The following LRP1B variants were observed in gnomAD, a reference collection of about 807,000 sequenced individuals.
LRP1B encodes low-density lipoprotein receptor-related protein 1B.
LRP1B carries 217 observed loss-of-function variants against 556.6 expected under a neutral mutation model. The ratio of observed to expected loss-of-function variants is 0.39; its 90% CI spans 0.35 to 0.44. The LOEUF is 0.44. LRP1B is among the 20% of genes least tolerant of loss of function. The probability of loss-of-function intolerance (pLI) is 1.00; values close to 1 mark genes in which losing one functional copy is unlikely to be tolerated. For synonymous variants in LRP1B, 2,047 were observed against 1,865.8 expected, an observed-to-expected ratio of 1.10 and a Z score of -2.50; for missense variants, 5,053 against 5,620.8, an observed-to-expected ratio of 0.90 and a Z score of 3.23.
At chr2:141,364,876 A>G (rs915123758) in intron 3 of LRP1B, among the ~76,000 whole-genome samples, 1 of 152,192 alleles carries the variant, frequency 6.6e-6, no homozygotes, top group Non-Finnish European at 1.5e-5. Context: ...CGAGTATAAA[A>G]ATAAAAATGA....
At chr2:142,041,807 G>T (rs545225331) in intron 1 of LRP1B, among the ~76,000 whole-genome samples, 1 of 151,562 alleles carries the variant, frequency 6.6e-6, no homozygotes, top group South Asian at 2.1e-4. Context: ...GGTTACTTTT[G>T]CAAAGGTATT....
At chr2:140,942,395 A>G (rs912171517) in intron 20 of LRP1B, among the ~76,000 whole-genome samples, 4 of 152,128 alleles carry the variant, frequency 2.6e-5, no homozygotes, top group Non-Finnish European at 5.9e-5. Context: ...AAATTTCCCC[A>G]ATCTTACAAG....
intron 35 of LRP1B, among the ~76,000 whole-genome samples, chr2:140,741,170 T>C (rs930733244): frequency 3.9e-5 from 6 of 152,156 alleles, no homozygotes; most frequent in African/African-American, 7.2e-5. Context: ...CTAGCACATA[T>C]GCAAGTCTAC....
At chr2:141,281,854 C>T (rs969736946) in intron 3 of LRP1B, among the ~76,000 whole-genome samples, 2 of 151,994 alleles carry the variant, frequency 1.3e-5, no homozygotes, top group African/African-American at 2.4e-5. Context: ...ATGTGAGCTA[C>T]CCTGAAGAGA....
At chr2:140,675,083 C>A (rs1685624933) in intron 41 of LRP1B, among the ~76,000 whole-genome samples, 1 of 152,166 alleles carries the variant, frequency 6.6e-6, no homozygotes, top group Admixed American at 6.6e-5. Flanking sequence ...CATCATATCA[C>A]CTTTTCTCAC....
chr2:141,798,720 A>AAG lies in LRP1B; in HGVS notation c.205+11558_205+11559insCT, dbSNP rs1455121951. ...GACTCTGTCTCAAAAAAAAAAAAAAAAAAAAAAAAGAATATATTTTAAAAA... is the reference window on the plus strand; with the variant it reads ...GACTCTGTCTCAAAAAAAAAAAAAAAAGAAAAAAAAAGAATATATTTTAAAAA... On this transcript the variant is annotated intron_variant, in intron 2 of 90. Transcript: ENST00000389484. 1.6e-3 allele frequency among the ~76,000 whole-genome samples: 247 copies of AAG among 151,422 alleles called. 3 individuals are homozygous for AAG. Among genetic ancestry groups the AAG allele is most frequent in the African/African-American group, 5.7e-3 (235 of 41,268 alleles).
At chr2:141,902,417 A>G (rs1699646002) in intron 1 of LRP1B, among the ~76,000 whole-genome samples, 1 of 152,028 alleles carries the variant, frequency 6.6e-6, no homozygotes, top group South Asian at 2.1e-4. Context: ...ATTAGTTAAA[A>G]TCCATTTGAC....
At chr2:141,268,924 G>A (rs946899700) in intron 3 of LRP1B, among the ~76,000 whole-genome samples, 9 of 152,124 alleles carry the variant, frequency 5.9e-5, no homozygotes, top group Admixed American at 2.6e-4. Flanking sequence ...CCTTCATAGG[G>A]CAGTGATTCC....
chr2:140,791,697 G>A (rs1690126491), intron 32 of LRP1B, among the ~76,000 whole-genome samples: 1 of 152,158 alleles, frequency 6.6e-6, no homozygotes, highest in South Asian at 2.1e-4. Flanking sequence ...CAATGAGTCA[G>A]TCAGAACCAA....
At chr2:141,885,015 C>T (rs1699065755) in intron 1 of LRP1B, among the ~76,000 whole-genome samples, 1 of 152,066 alleles carries the variant, frequency 6.6e-6, no homozygotes, top group Admixed American at 6.6e-5. Flanking sequence ...ATTATCAATT[C>T]AGGTTGATGT....
intron 17 of LRP1B, among the ~76,000 whole-genome samples, chr2:140,985,547 C>T (rs764948974): frequency 6.6e-6 from 1 of 151,816 alleles, no homozygotes; most frequent in Non-Finnish European, 1.5e-5. Flanking sequence ...TTTTCATCTT[C>T]AGTCTCTGGG....
intron 83 of LRP1B, among the ~76,000 whole-genome samples, chr2:140,303,341 G>A (rs959483350): frequency 2.6e-5 from 4 of 151,794 alleles, no homozygotes; most frequent in Admixed American, 1.3e-4. Flanking sequence ...TCCGCCTCCC[G>A]GGTTCACGCA....
At chr2:141,139,192 C>T (rs1701569074) in intron 7 of LRP1B, among the ~76,000 whole-genome samples, 1 of 151,684 alleles carries the variant, frequency 6.6e-6, no homozygotes, top group Non-Finnish European at 1.5e-5. Context: ...CAACAATTAA[C>T]TCGATATGAA....
At chr2:141,350,670 G>A (rs1444232124) in intron 3 of LRP1B, among the ~76,000 whole-genome samples, 2 of 151,992 alleles carry the variant, frequency 1.3e-5, no homozygotes, top group Non-Finnish European at 2.9e-5. Context: ...GAAGTAAATT[G>A]AGGCTTTCAT....
chr2:142,068,640 C>A lies in LRP1B; in HGVS notation c.82+62008G>T, dbSNP rs185030095. Among the ~76,000 whole-genome samples the A allele has an allele frequency of 2.0e-5, 3 of 151,380 alleles. No individual in the cohort carries two copies. The East Asian group carries it at 5.8e-4, about 30-fold the overall frequency. ...TTCTTTGCCATCAGTGAACAGGTTT[C>A]TCAATATGTTTTATTTGCAATATCC... On this transcript the variant is annotated intron_variant, in intron 1 of 90. Coordinates refer to ENST00000389484, the MANE Select transcript of LRP1B (RefSeq NM_018557.3).
intron 32 of LRP1B, among the ~76,000 whole-genome samples, chr2:140,804,649 A>ATTTTTTTTTTTT (rs869167644): frequency 1.7e-5 from 1 of 57,936 alleles, no homozygotes; most frequent in Non-Finnish European, 3.5e-5. Flanking sequence ...GTAAAAACTA[A>ATTTTTTTTTTTT]TTTTTTTTTT....
At chr2:141,204,740 C>T (rs1256569770) in intron 6 of LRP1B, among the ~76,000 whole-genome samples, 1 of 151,994 alleles carries the variant, frequency 6.6e-6, no homozygotes, top group Non-Finnish European at 1.5e-5. Flanking sequence ...GAGTTCGAGA[C>T]CAGCTGGCCA....
intron 19 of LRP1B, 142 bp downstream of exon 19, chr2:140,951,718 G>A: frequency 1.6e-6 from 1 of 620,466 alleles, no homozygotes; most frequent in Non-Finnish European, 2.9e-6. Flanking sequence ...TGTGCTGCTA[G>A]CTGCCCGCTC....
intron 3 of LRP1B, among the ~76,000 whole-genome samples, chr2:141,286,336 T>G (rs554742587): frequency 1.5e-4 from 23 of 152,164 alleles, no homozygotes; most frequent in Admixed American, 2.6e-4. Flanking sequence ...TACCTTCCTC[T>G]GTATTAAAAG....
Sources: gnomAD v4.1 joint callset for allele counts (sites outside exome capture counted in the v4.1 genomes callset) on GRCh38, gnomAD v4.1.1 for gene constraint, MANE v1.5 for transcripts, NCBI Gene and HGNC (gene_info 2026-07-23, HGNC 2026-07-21) for gene names.